The following ADAM9 variants were observed in gnomAD, a reference collection of about 807,000 sequenced individuals.
ADAM9 encodes the protein ADAM metallopeptidase domain 9.
In ADAM9, 54 loss-of-function variants were observed where a neutral mutation model predicts 108.1. That is an observed-to-expected ratio of 0.50 (90% confidence interval 0.40 to 0.63). The LOEUF (loss-of-function observed/expected upper bound fraction) is 0.63. Ranked by LOEUF, ADAM9 falls within the 20% of genes least tolerant of loss-of-function variation. The pLI is 0.00. For synonymous variants in ADAM9, 316 were observed against 336.0 expected (o/e 0.94, Z 0.65); for missense variants, 830 against 997.7 (o/e 0.83, Z 2.26).
In ADAM9 at chr8:39,014,111, A is replaced by G. The variant is rs570001592; in HGVS notation, c.333+68A>G. ...ATTATAATTTAAAAATGAGTTCTGT[A>G]TAGGCACTCAGGACTGTTACATTGC... On this transcript the variant is annotated intron_variant, in intron 4 of 21. Transcript: ENST00000487273. The G allele has an allele frequency of 1.5e-3, 1,903 of 1,289,500 alleles. 1 individual carries two copies. The highest frequency in any genetic ancestry group is 2.0e-3 in the Non-Finnish European group (1,772 of 886,670). 79.9% of individuals were successfully genotyped at this position (1,289,500 alleles called of 1,614,324 possible). A position where few individuals can be genotyped will look rare whatever the true frequency, so the allele number is the denominator to read the frequency against.
At chr8:39,037,787 A>G (rs560517553) in intron 11 of ADAM9, among the ~76,000 whole-genome samples, 1 of 152,346 alleles carries the variant, frequency 6.6e-6, no homozygotes, top group African/African-American at 2.4e-5. Flanking sequence ...ACAAAATAAA[A>G]AACAATTACA....
intron 15 of ADAM9, among the ~76,000 whole-genome samples, chr8:39,071,916 A>G (rs1489558846): frequency 6.6e-6 from 1 of 152,160 alleles, no homozygotes; most frequent in Non-Finnish European, 1.5e-5. Flanking sequence ...TTAGACATCA[A>G]CTACAATCTA....
chr8:39,069,287 G>A (rs974778674), intron 14 of ADAM9, among the ~76,000 whole-genome samples: 1 of 151,984 alleles, frequency 6.6e-6, no homozygotes, highest in Non-Finnish European at 1.5e-5. Flanking sequence ...TTAGGAGGGA[G>A]GGAAAATACG....
In ADAM9 at chr8:39,091,321, C is replaced by T. The variant is rs759894315; in HGVS notation, c.2273C>T (p.Ser758Phe). Residue 758 changes from serine (S) to phenylalanine (F), a missense_variant, in exon 20 of 22, where the codon TCT becomes TTT. Physicochemically the swap from Ser to Phe is radical, Grantham distance 155. Around this residue, in one of 3 missense-constraint regions of ADAM9, gnomAD observed 238 missense variants for 235.7 expected, o/e 1.01. Coordinates refer to ENST00000487273, the MANE Select transcript of ADAM9 (RefSeq NM_003816.3). Reference sequence around the variant, plus strand: ...CCGGGGAGTGTTCCTCGACATGTTTCTCCAGTGACACCTCCCAGAGAAGTT... The same window carrying T: ...CCGGGGAGTGTTCCTCGACATGTTTTTCCAGTGACACCTCCCAGAGAAGTT... ...RQPGSVPRHV[S>F]PVTPPREVPI... The T allele has an allele frequency of 1.8e-5, 29 of 1,613,966 alleles. No individual in the cohort carries two copies. Among genetic ancestry groups the T allele is most frequent in the Non-Finnish European group, 2.1e-5 (25 of 1,179,986 alleles).
chr8:39,090,256 G>T lies in ADAM9; in HGVS notation c.2210+68G>T, dbSNP rs146836523. 1.1e-4 allele frequency: 154 copies of T among 1,383,574 alleles called. 1 individual carries two copies. The African/African-American group carries it at 2.1e-3, about 18-fold the overall frequency. 85.7% of individuals were successfully genotyped at this position (1,383,574 alleles called of 1,614,324 possible). A position where few individuals can be genotyped will look rare whatever the true frequency, so the allele number is the denominator to read the frequency against. On this transcript the variant is annotated intron_variant, in intron 19 of 21. Coordinates refer to ENST00000487273, the MANE Select transcript of ADAM9 (RefSeq NM_003816.3). Reference sequence around the variant, plus strand: ...CATACATTTTCTGAGACAGAATCTCGACTTCCCTGGGCTCAGGTGATTCCC... The same window carrying T: ...CATACATTTTCTGAGACAGAATCTCTACTTCCCTGGGCTCAGGTGATTCCC...
At chr8:39,039,506 T>G (rs1367962232) in intron 11 of ADAM9, among the ~76,000 whole-genome samples, 1 of 152,216 alleles carries the variant, frequency 6.6e-6, no homozygotes, top group Non-Finnish European at 1.5e-5. Context: ...TCTAGACTTG[T>G]TTGTCTTACA....
At chr8:39,025,176 C>T (rs1386521148) in intron 9 of ADAM9, among the ~76,000 whole-genome samples, 6 of 152,014 alleles carry the variant, frequency 3.9e-5, no homozygotes, top group Admixed American at 1.3e-4. Flanking sequence ...CTGTGGCCTC[C>T]GCCTCCCAGG....
At chr8:39,057,983 G>A (rs181801172) in intron 14 of ADAM9, among the ~76,000 whole-genome samples, 110 of 152,180 alleles carry the variant, frequency 7.2e-4, no homozygotes, top group African/African-American at 2.4e-3. Flanking sequence ...CTCCAAATGT[G>A]GACCTTGTTA....
chr8:39,015,849 T>C (rs548741327), intron 4 of ADAM9: 132 of 422,054 alleles, frequency 3.1e-4, no homozygotes, highest in African/African-American at 2.5e-3. Context: ...GTTCTGCTTC[T>C]AGGCTGAAAG....
chr8:39,004,721 A>C (rs559904233), intron 1 of ADAM9, among the ~76,000 whole-genome samples: 43 of 152,320 alleles, frequency 2.8e-4, no homozygotes, highest in Non-Finnish European at 3.8e-4. Flanking sequence ...TTTTCTGGGA[A>C]AGGGGCAAGG....
At chr8:39,083,095 T>C (rs773897103) in intron 18 of ADAM9, 22 bp downstream of exon 18, 39 of 1,593,936 alleles carry the variant, frequency 2.4e-5, no homozygotes, top group Middle Eastern at 1.7e-4. Flanking sequence ...AGAAGAAAAT[T>C]AGTGTGATCT....
chr8:39,082,688 C>CTG lies in ADAM9; in HGVS notation c.1932_1933dup (p.Asp645ValfsTer48). The CTG allele has an allele frequency of 6.2e-7, 1 of 1,609,348 alleles. No homozygotes were observed. The highest frequency in any genetic ancestry group is 8.5e-7 in the Non-Finnish European group (1 of 1,178,344). On this transcript the variant is annotated frameshift_variant, in exon 17 of 22. Transcript: ENST00000487273. LOFTEE classifies it high-confidence loss of function. Reference sequence around the variant, plus strand: ...TAGATGCTTCTGTTCTGAATTATGACTGTGATGTTCAGAAAAAGTGTCATG... The same window carrying CTG: ...TAGATGCTTCTGTTCTGAATTATGACTGTGTGATGTTCAGAAAAAGTGTCATG...
chr8:39,040,860 C>T (rs1159399576), intron 11 of ADAM9, among the ~76,000 whole-genome samples: 2 of 152,094 alleles, frequency 1.3e-5, no homozygotes, highest in East Asian at 1.9e-4. Context: ...GGATAGTTCT[C>T]TTCAATAAAT....
intron 18 of ADAM9, among the ~76,000 whole-genome samples, chr8:39,087,353 A>G (rs1839209555): frequency 6.6e-6 from 1 of 152,214 alleles, no homozygotes; most frequent in Admixed American, 6.5e-5. Context: ...TAGCTGGCAG[A>G]GTAAATCTGG....
chr8:39,046,224 A>G (rs965387919), intron 12 of ADAM9, among the ~76,000 whole-genome samples: 12 of 152,082 alleles, frequency 7.9e-5, no homozygotes, highest in Admixed American at 1.3e-4. Context: ...TTTGTTTTCA[A>G]TGCTATTGTA....
At chr8:39,055,894 C>G (rs925572969) in intron 14 of ADAM9, 122 bp downstream of exon 14, 1 of 1,057,796 alleles carries the variant, frequency 9.5e-7, no homozygotes, top group South Asian at 1.6e-5. Flanking sequence ...CATCGTATTT[C>G]CTTTCTTCTT....
intron 14 of ADAM9, among the ~76,000 whole-genome samples, chr8:39,066,539 A>T (rs563495314): frequency 6.6e-6 from 1 of 152,334 alleles, no homozygotes; most frequent in South Asian, 2.1e-4. Flanking sequence ...TGTTGGCTTC[A>T]TAAATGTCTT....
Position 39,104,521 on chromosome 8 carries a change from A to G in ADAM9, c.*821A>G, listed in dbSNP as rs898875605. ...TAGATCTAATCAAATATGTTGATTC[A>G]TGGCTATAATAAAGCAGGAGCAATT... On this transcript the variant is annotated 3_prime_UTR_variant, in exon 22 of 22. Coordinates refer to ENST00000487273, the MANE Select transcript of ADAM9 (RefSeq NM_003816.3). 2 of 383,452 alleles carry G rather than the reference A, an allele frequency of 5.2e-6. No individual in the cohort carries two copies. The highest frequency in any genetic ancestry group is 4.2e-5 in the African/African-American group (2 of 47,200). The allele number at this position is 383,452 out of a possible 1,614,324, so 23.8% of individuals were successfully genotyped here. A position where few individuals can be genotyped will look rare whatever the true frequency, so the allele number is the denominator to read the frequency against.
At chr8:38,998,468 G>A (rs1169775618) in intron 1 of ADAM9, among the ~76,000 whole-genome samples, 2 of 152,100 alleles carry the variant, frequency 1.3e-5, no homozygotes, top group Non-Finnish European at 2.9e-5. Flanking sequence ...AGTCATTACC[G>A]ACCTGCATTA....
Sources: allele counts gnomAD v4.1 joint callset (sites outside exome capture counted in the v4.1 genomes callset), GRCh38; gene constraint gnomAD v4.1.1; regional missense constraint gnomAD v4.1.1; transcripts MANE v1.5; gene names NCBI Gene and HGNC (gene_info 2026-07-23, HGNC 2026-07-21).